The following CPNE4 variants were observed in gnomAD, a reference collection of about 807,000 sequenced individuals.
CPNE4 encodes the protein copine-4.
CPNE4 carries 25 observed loss-of-function variants against 67.9 expected under a neutral mutation model. The observed-to-expected ratio is 0.37, with a 90% CI of 0.27 to 0.51. The LOEUF is 0.51. Ranked by LOEUF, CPNE4 falls within the 20% of genes least tolerant of loss-of-function variation. The probability of loss-of-function intolerance (pLI) is 0.93; values close to 1 mark genes in which losing one functional copy is unlikely to be tolerated. For synonymous variants in CPNE4, 242 were observed against 244.9 expected, an observed-to-expected ratio of 0.99 and a Z score of 0.11; for missense variants, 464 against 690.8, an observed-to-expected ratio of 0.67 and a Z score of 3.68.
intron 9 of CPNE4, among the ~76,000 whole-genome samples, chr3:131,579,472 G>T (rs1433431028): frequency 6.6e-6 from 1 of 152,136 alleles, no homozygotes; most frequent in African/African-American, 2.4e-5. Flanking sequence ...TCTTATTTAA[G>T]AAATACATTT....
chr3:131,862,504 T>G (rs1044155413), intron 2 of CPNE4, among the ~76,000 whole-genome samples: 13 of 152,116 alleles, frequency 8.5e-5, no homozygotes, highest in Non-Finnish European at 1.5e-4. Context: ...ACCTCTTACA[T>G]GGCCACTAAT....
intron 1 of CPNE4, among the ~76,000 whole-genome samples, chr3:131,936,712 GTGA>G (rs1560631540): frequency 6.6e-6 from 1 of 151,842 alleles, no homozygotes. Flanking sequence ...TATGAAAATT[GTGA>G]TGAACACATT....
intron 1 of CPNE4, among the ~76,000 whole-genome samples, chr3:131,945,168 A>G (rs565974611): frequency 6.7e-6 from 1 of 149,444 alleles, no homozygotes; most frequent in Non-Finnish European, 1.5e-5. Context: ...GTCAGCTACT[A>G]ATATTAAGTC....
At chr3:131,742,632 G>A (rs2082386329) in intron 2 of CPNE4, among the ~76,000 whole-genome samples, 2 of 151,984 alleles carry the variant, frequency 1.3e-5, no homozygotes, top group Non-Finnish European at 1.5e-5. Flanking sequence ...TTAATCATTA[G>A]TCAATAAGTA....
chr3:131,549,892 T>C, intron 14 of CPNE4, 55 bp downstream of exon 14: 1 of 1,596,912 alleles, frequency 6.3e-7, no homozygotes, highest in Non-Finnish European at 8.6e-7. Flanking sequence ...TTACGGCCAA[T>C]ATCCAGGTGA....
intron 2 of CPNE4, among the ~76,000 whole-genome samples, chr3:131,787,110 G>GAACT (rs2083587016): frequency 6.6e-6 from 1 of 152,018 alleles, no homozygotes; most frequent in East Asian, 1.9e-4. Flanking sequence ...TTCATTTCCT[G>GAACT]GTACACCAAA....
intron 2 of CPNE4, among the ~76,000 whole-genome samples, chr3:131,763,530 A>T (rs551966905): frequency 2.0e-5 from 3 of 152,250 alleles, no homozygotes; most frequent in African/African-American, 7.2e-5. Flanking sequence ...GCATAGATGA[A>T]GTCCTAGGCT....
At chr3:131,755,720 T>A (rs1321117335) in intron 2 of CPNE4, among the ~76,000 whole-genome samples, 1 of 152,206 alleles carries the variant, frequency 6.6e-6, no homozygotes, top group Non-Finnish European at 1.5e-5. Flanking sequence ...TTGTGTGTTT[T>A]GTAATGGGAT....
chr3:131,552,591 A>G (rs539379563), intron 12 of CPNE4, 100 bp from the exon 13 acceptor site: 4 of 833,956 alleles, frequency 4.8e-6, no homozygotes, highest in South Asian at 3.0e-5. Flanking sequence ...ACAAATGCCC[A>G]TTATATTCAT....
chr3:131,551,873 A>T (rs1425234646), intron 13 of CPNE4, among the ~76,000 whole-genome samples: 6 of 152,092 alleles, frequency 3.9e-5, no homozygotes, highest in Non-Finnish European at 8.8e-5. Flanking sequence ...ATTTTGTGAA[A>T]TCATGTCAGA....
intron 12 of CPNE4, 24 bp downstream of exon 12, chr3:131,555,473 A>C (rs773746499): frequency 4.4e-6 from 7 of 1,605,490 alleles, no homozygotes; most frequent in Non-Finnish European, 6.0e-6. Flanking sequence ...GAAGTGGAAG[A>C]AGATCACATC....
At chr3:131,612,332 C>T (rs973019166) in intron 7 of CPNE4, among the ~76,000 whole-genome samples, 1 of 152,100 alleles carries the variant, frequency 6.6e-6, no homozygotes, top group Non-Finnish European at 1.5e-5. Context: ...TGAGATTGAG[C>T]CACTGCACTT....
chr3:131,948,778 T>C (rs1194860093), intron 1 of CPNE4, among the ~76,000 whole-genome samples: 1 of 152,206 alleles, frequency 6.6e-6, no homozygotes, highest in Admixed American at 6.5e-5. Context: ...AATAAGTGTT[T>C]ATTAAATTGA....
intron 2 of CPNE4, among the ~76,000 whole-genome samples, chr3:131,751,329 G>T (rs1913288): frequency 0.96 from 146,678 of 152,190 alleles, 70,850 homozygotes; most frequent in Non-Finnish European, 1. Context: ...GTTATTCATT[G>T]TTTTCAATCT....
At chr3:131,835,968 G>C (rs937180990) in intron 2 of CPNE4, among the ~76,000 whole-genome samples, 1 of 152,144 alleles carries the variant, frequency 6.6e-6, no homozygotes, top group Admixed American at 6.6e-5. Flanking sequence ...GGTAGGAAAG[G>C]AATCTTTTCA....
At chr3:131,551,726 A>C (rs531588704) in intron 13 of CPNE4, among the ~76,000 whole-genome samples, 1 of 152,216 alleles carries the variant, frequency 6.6e-6, no homozygotes, top group Non-Finnish European at 1.5e-5. Context: ...AAGAAGAGAG[A>C]GATATGGACA....
chr3:131,921,062 A>G (rs2070728557), intron 1 of CPNE4, among the ~76,000 whole-genome samples: 1 of 152,198 alleles, frequency 6.6e-6, no homozygotes, highest in African/African-American at 2.4e-5. Context: ...CATTGCTCCC[A>G]CACAGTTGAC....
At chr3:131,712,171 T>C (rs767890998) in intron 3 of CPNE4, among the ~76,000 whole-genome samples, 13 of 152,248 alleles carry the variant, frequency 8.5e-5, no homozygotes, top group Non-Finnish European at 1.8e-4. Context: ...TGTGAGTTCT[T>C]TGAAGTCAGC....
At chr3:131,715,217 T>A (rs2081653765) in intron 3 of CPNE4, among the ~76,000 whole-genome samples, 1 of 152,196 alleles carries the variant, frequency 6.6e-6, no homozygotes, top group African/African-American at 2.4e-5. Context: ...CACTGCCATT[T>A]TTTAAGAAGC....
Sources: gnomAD v4.1 joint callset for allele counts (sites outside exome capture counted in the v4.1 genomes callset) on GRCh38, gnomAD v4.1.1 for gene constraint, MANE v1.5 for transcripts, NCBI Gene and HGNC (gene_info 2026-07-23, HGNC 2026-07-21) for gene names.